The following MYH4 variants were observed in gnomAD, a reference collection of about 807,000 sequenced individuals.
The protein encoded by MYH4 is myosin heavy chain 4.
In MYH4, 200 loss-of-function variants were observed where a neutral mutation model predicts 229.9. The observed-to-expected ratio is 0.87, with a 90% CI of 0.78 to 0.98. MYH4 has a LOEUF of 0.98. Among genes scored for constraint, MYH4 ranks in the 50% least tolerant of loss-of-function variants. The probability of loss-of-function intolerance (pLI) is 0.00; values close to 1 mark genes in which losing one functional copy is unlikely to be tolerated. For missense variants in MYH4, 2,148 were observed against 2,332.6 expected (o/e 0.92, Z 1.63); for synonymous variants, 761 against 834.6 (o/e 0.91, Z 1.52).
intron 12 of MYH4, 79 bp downstream of exon 12, chr17:10,460,837 A>T: frequency 6.6e-7 from 1 of 1,516,026 alleles, no homozygotes; most frequent in Non-Finnish European, 9.0e-7. Context: ...GGTCAGAGAA[A>T]GTAAAAACAC....
chr17:10,447,627 C>T (rs2072526192), intron 34 of MYH4, among the ~76,000 whole-genome samples, 191 bp downstream of exon 34: 1 of 152,168 alleles, frequency 6.6e-6, no homozygotes, highest in Non-Finnish European at 1.5e-5. Flanking sequence ...CTGCAGATAA[C>T]AAAGCAAACT....
intron 34 of MYH4, 89 bp from the exon 35 acceptor site, chr17:10,447,305 CTT>C: frequency 8.6e-7 from 1 of 1,166,462 alleles, no homozygotes; most frequent in Non-Finnish European, 1.2e-6. Flanking sequence ...ATCTTAATGA[CTT>C]AGAGTATGAT....
chr17:10,444,271 T>C (rs920422927), intron 39 of MYH4, among the ~76,000 whole-genome samples: 7 of 152,132 alleles, frequency 4.6e-5, no homozygotes, highest in Admixed American at 4.6e-4. Flanking sequence ...TGAAGTTAAA[T>C]GAAGCTTAGA....
At chr17:10,453,906 T>G in intron 22 of MYH4, 21 bp from the exon 23 acceptor site, 1 of 1,613,116 alleles carries the variant, frequency 6.2e-7, no homozygotes, top group Non-Finnish European at 8.5e-7. Context: ...AAATTAAGCA[T>G]TTTCATTTGT....
rs2142219645 is a variant in MYH4 at position 10,454,636 on chromosome 17, T to G, written c.2610A>C (p.Thr870=). ...CTTCTAGTTCTTTCCTTTTTGCCTC[T>G]GTCTTAGCCAGCTCTTCTTTGGTTT... The part of the protein sequence containing the change: ...FEKTKEELAK[T]EAKRKELEEK... Residue 870 remains threonine (T), a synonymous_variant, in exon 22 of 40, where the codon ACA becomes ACC. Coordinates refer to ENST00000255381, the MANE Select transcript of MYH4 (RefSeq NM_017533.2). The G allele has an allele frequency of 2.5e-6, 4 of 1,614,232 alleles. No individual in the cohort carries two copies. In the South Asian group the frequency reaches 4.4e-5, roughly 18 times the overall value.
At chr17:10,467,572 T>G (rs1463796311) in intron 2 of MYH4, among the ~76,000 whole-genome samples, 1 of 152,202 alleles carries the variant, frequency 6.6e-6, no homozygotes, top group Non-Finnish European at 1.5e-5. Context: ...TAATAAAATT[T>G]TATAGTGATT....
intron 27 of MYH4, 68 bp downstream of exon 27, chr17:10,451,873 T>C: frequency 6.6e-7 from 1 of 1,526,694 alleles, no homozygotes; most frequent in Non-Finnish European, 8.8e-7. Flanking sequence ...CTAAAAATAG[T>C]CATATATAAA....
intron 15 of MYH4, 67 bp downstream of exon 15, chr17:10,459,184 G>A (rs2072673638): frequency 6.2e-7 from 1 of 1,611,982 alleles, no homozygotes; most frequent in Non-Finnish European, 8.5e-7. Flanking sequence ...AACAGGGAGT[G>A]TGATTAAGCA....
chr17:10,452,406 T>G lies in MYH4; in HGVS notation c.3348+10A>C. 1 of 1,614,174 alleles carries G rather than the reference T, an allele frequency of 6.2e-7. No homozygotes were observed. On this transcript the variant is annotated intron_variant, in intron 26 of 39. Transcript: ENST00000255381. ...TGTAATGCCCAGAAAAGGTGGAGGT[T>G]ATAACTTACCTGTAATTCTTTGATC...
intron 36 of MYH4, 45 bp downstream of exon 36, chr17:10,445,192 A>G (rs1270328951): frequency 6.2e-7 from 1 of 1,614,194 alleles, no homozygotes; most frequent in Admixed American, 1.7e-5. Context: ...TGATGATAGC[A>G]GGCAGCATGC....
At chr17:10,461,623 A>T (rs769023737) in intron 11 of MYH4, among the ~76,000 whole-genome samples, 1 of 152,094 alleles carries the variant, frequency 6.6e-6, no homozygotes, top group Non-Finnish European at 1.5e-5. Flanking sequence ...CAGCTCAGCG[A>T]CCACGAGATG....
At position 10,461,152 on chromosome 17, in the gene MYH4, G is replaced by A. The variant is rs558372416; in HGVS notation, c.1009-98C>T. 3 of 1,383,916 alleles carry A rather than the reference G, an allele frequency of 2.2e-6. 1 individual carries two copies. Among genetic ancestry groups the A allele is most frequent in the South Asian group, 2.6e-5 (2 of 76,766 alleles). 85.7% of individuals were successfully genotyped at this position (1,383,916 alleles called of 1,614,324 possible). ...TCCCACTTTTTTCTCATCACGCCTTGCCTTATATTTGACTAGCACTTTGCC... is the reference window on the plus strand; with the variant it reads ...TCCCACTTTTTTCTCATCACGCCTTACCTTATATTTGACTAGCACTTTGCC... On this transcript the variant is annotated intron_variant, in intron 11 of 39. Transcript: ENST00000255381.
At position 10,457,408 on chromosome 17, in the gene MYH4, A is replaced by G. The variant is rs1437039626; in HGVS notation, c.1897+12T>C. 1 of 1,586,758 alleles carries G rather than the reference A, an allele frequency of 6.3e-7. No homozygotes were observed. The highest frequency in any genetic ancestry group is 1.2e-5 in the South Asian group (1 of 86,700). ...GTGACTCTTGTAACATATTAGTGCT[A>G]TTAAACATGACCTGCTTCAGCAGTT... On this transcript the variant is annotated intron_variant, in intron 16 of 39. Transcript: ENST00000255381.
rs563076885 is a variant in MYH4 at position 10,443,513 on chromosome 17, A to G, written c.5682T>C (p.Asn1894=). 7.4e-6 allele frequency: 12 copies of G among 1,613,918 alleles called. No individual in the cohort carries two copies. In the South Asian group the frequency reaches 1.2e-4, roughly 16 times the overall value. Residue 1894 remains asparagine, a synonymous_variant, in exon 40 of 40, where the codon AAT becomes AAC. Transcript: ENST00000255381. The surrounding 1 kb of genome is among the most constrained non-coding windows in gnomAD (Gnocchi z 4.6). ...RQAEEAEEQS[N]VNLAKFRKLQ... is the part of the protein sequence containing the mutation. Reference sequence around the variant, plus strand: ...GCTTGCGGAACTTGGCAAGGTTGACATTGGATTGTTCCTCCTGAGAACAGA... The same window carrying G: ...GCTTGCGGAACTTGGCAAGGTTGACGTTGGATTGTTCCTCCTGAGAACAGA...
intron 2 of MYH4, among the ~76,000 whole-genome samples, chr17:10,467,961 T>A (rs2072785403): frequency 6.6e-6 from 1 of 152,178 alleles, no homozygotes; most frequent in Non-Finnish European, 1.5e-5. Flanking sequence ...TCTGTAGGCT[T>A]TCCAGAGTCT....
At chr17:10,468,303 C>A (rs2072788362) in intron 2 of MYH4, among the ~76,000 whole-genome samples, 1 of 152,154 alleles carries the variant, frequency 6.6e-6, no homozygotes. Context: ...CTTCCCATCT[C>A]CTGTCTTATT....
intron 39 of MYH4, 98 bp downstream of exon 39, chr17:10,444,506 C>T: frequency 1.2e-6 from 1 of 833,006 alleles, no homozygotes; most frequent in Middle Eastern, 3.4e-4. Flanking sequence ...ATTATGTATT[C>T]CCAATTTAAA....
chr17:10,454,638 T>C lies in MYH4; in HGVS notation c.2608A>G (p.Thr870Ala), dbSNP rs111451155. 6.2e-7 allele frequency: 1 copy of C among 1,614,206 alleles called. No homozygotes were observed. Among genetic ancestry groups the C allele is most frequent in the Non-Finnish European group, 8.5e-7 (1 of 1,180,034 alleles). Residue 870 changes from threonine to alanine, a missense_variant, in exon 22 of 40, where the codon ACA becomes GCA. Coordinates refer to ENST00000255381, the MANE Select transcript of MYH4 (RefSeq NM_017533.2). ...TCTAGTTCTTTCCTTTTTGCCTCTG[T>C]CTTAGCCAGCTCTTCTTTGGTTTTC... is the stretch of plus-strand genomic sequence containing the variant. ...FEKTKEELAK[T>A]EAKRKELEEK...
chr17:10,448,901 C>G lies in MYH4; in HGVS notation c.4328G>C (p.Cys1443Ser). 1 of 1,614,160 alleles carries G rather than the reference C, an allele frequency of 6.2e-7. No individual in the cohort carries two copies. ...TCTTTGCTTCTTATCGAGAGCTATG[C>G]AGGCAGCATTAGATCGTTCCACATC... Reference protein sequence around the residue: ...MIDVERSNAACIALDKKQRNF... With the variant: ...MIDVERSNAASIALDKKQRNF... The change falls in exon 31 of 40, where the codon TGC (cysteine) becomes TCC (serine). Residue 1443 changes from cysteine (C) to serine (S), a missense_variant. Physicochemically the swap from Cys to Ser is moderately radical, Grantham distance 112. Coordinates refer to ENST00000255381, the MANE Select transcript of MYH4 (RefSeq NM_017533.2).
Sources: allele counts gnomAD v4.1 joint callset (sites outside exome capture counted in the v4.1 genomes callset), GRCh38; gene constraint gnomAD v4.1.1; non-coding constraint Gnocchi (gnomAD v3.1); transcripts MANE v1.5; gene names NCBI Gene and HGNC (gene_info 2026-07-23, HGNC 2026-07-21).